Variants in PPP2R1A observed in about 807,000 individuals in gnomAD.
PPP2R1A encodes the protein serine/threonine-protein phosphatase 2A 65 kDa regulatory subunit A alpha isoform.
Under a neutral mutation model 67.1 loss-of-function variants are expected in PPP2R1A, and 15 were observed. That is an observed-to-expected ratio of 0.22 (90% CI 0.15 to 0.34). The LOEUF (loss-of-function observed/expected upper bound fraction) is 0.34. PPP2R1A is among the 10% of genes least tolerant of loss of function. PPP2R1A has a pLI of 1.00. For synonymous variants in PPP2R1A, 337 were observed against 325.0 expected (o/e 1.04, Z -0.40); for missense variants, 369 against 775.0 (o/e 0.48, Z 6.22).
intron 1 of PPP2R1A, among the ~76,000 whole-genome samples, chr19:52,194,840 ATATGG>A (rs1259300444): frequency 6.6e-6 from 1 of 152,148 alleles, no homozygotes; most frequent in African/African-American, 2.4e-5. Context: ...TGCGGTAGTC[ATATGG>A]TGGGGATTGA....
chr19:52,197,206 G>A (rs1006181334), intron 1 of PPP2R1A, among the ~76,000 whole-genome samples: 2 of 152,122 alleles, frequency 1.3e-5, no homozygotes, highest in Non-Finnish European at 2.9e-5. Context: ...GTATATCATA[G>A]GTAGCGTTAG....
At chr19:52,197,246 G>A (rs2089504984) in intron 1 of PPP2R1A, among the ~76,000 whole-genome samples, 1 of 152,150 alleles carries the variant, frequency 6.6e-6, no homozygotes, top group Non-Finnish European at 1.5e-5. Context: ...GTGGAAATCA[G>A]GAGTTGTGTT....
Position 52,213,933 on chromosome 19 carries a change from A to G in PPP2R1A, c.807+823A>G, listed in dbSNP as rs1395625087. Among the ~76,000 whole-genome samples the G allele has an allele frequency of 2.0e-5, 3 of 152,036 alleles. No individual in the cohort carries two copies. The highest frequency in any genetic ancestry group is 4.4e-5 in the Non-Finnish European group (3 of 67,998). ...CAAACATGTTTGCTGAGCACCAGCT[A>G]TTTGCTGGGCCAGTGAATTCGGATC... On this transcript the variant is annotated intron_variant, in intron 6 of 14. Coordinates refer to ENST00000322088, the MANE Select transcript of PPP2R1A (RefSeq NM_014225.6). This position sits in a 1 kb window ranked among gnomAD's most constrained non-coding sequence, Gnocchi z 4.2.
In PPP2R1A at chr19:52,211,682, C is replaced by A; in HGVS notation, c.503+190C>A. 1 of 611,098 alleles carries A rather than the reference C, an allele frequency of 1.6e-6. No individual in the cohort carries two copies. The highest frequency in any genetic ancestry group is 2.0e-5 in the South Asian group (1 of 48,802). The allele number at this position is 611,098 out of a possible 1,614,324, so 37.9% of individuals were successfully genotyped here. ...TGGACACGGCCACGTGTCAGTTTACCCACCTCTGCCCCCTTGCTCACTTAG... is the reference window on the plus strand; with the variant it reads ...TGGACACGGCCACGTGTCAGTTTACACACCTCTGCCCCCTTGCTCACTTAG... On this transcript the variant is annotated intron_variant, in intron 4 of 14. Coordinates refer to ENST00000322088, the MANE Select transcript of PPP2R1A (RefSeq NM_014225.6). The surrounding 1 kb of genome is among the most constrained non-coding windows in gnomAD (Gnocchi z 5.3).
At chr19:52,199,926 G>C (rs1289504493) in intron 1 of PPP2R1A, among the ~76,000 whole-genome samples, 1 of 152,142 alleles carries the variant, frequency 6.6e-6, no homozygotes, top group Non-Finnish European at 1.5e-5. Flanking sequence ...GTGAGTTTTT[G>C]GACTACCTGT....
In PPP2R1A at chr19:52,226,961, G is replaced by A. The variant is rs964974628; in HGVS notation, c.*980G>A. 1 of 152,072 alleles carries A rather than the reference G, an allele frequency of 6.6e-6. No homozygotes were observed. The highest frequency in any genetic ancestry group is 1.5e-5 in the Non-Finnish European group (1 of 68,018). 9.4% of individuals were successfully genotyped at this position (152,072 alleles called of 1,614,324 possible). On this transcript the variant is annotated 3_prime_UTR_variant, in exon 15 of 15. Transcript: ENST00000322088. ...TTTCCTGTGTTCTTGAAGAAGACTT[G>A]GGCTTGGACCCTGTCCCCAGGAGGT...
chr19:52,223,508 A>G (rs1165025645), intron 13 of PPP2R1A, among the ~76,000 whole-genome samples: 1 of 152,176 alleles, frequency 6.6e-6, no homozygotes, highest in African/African-American at 2.4e-5. Flanking sequence ...CTCATCCACA[A>G]TACCTGTCTA....
intron 1 of PPP2R1A, among the ~76,000 whole-genome samples, chr19:52,196,877 G>A (rs1443672741): frequency 6.6e-6 from 1 of 152,184 alleles, no homozygotes; most frequent in African/African-American, 2.4e-5. Context: ...ACAGGAAGGA[G>A]GGAAGATAAG....
At chr19:52,215,966 G>C in intron 7 of PPP2R1A, 38 bp from the exon 8 acceptor site, 1 of 1,609,898 alleles carries the variant, frequency 6.2e-7, no homozygotes, top group Non-Finnish European at 8.5e-7. Context: ...TAGCACATCA[G>C]GTCTCACTTC....
chr19:52,213,457 GT>G lies in PPP2R1A; in HGVS notation c.807+377del, dbSNP rs398035011. On this transcript the variant is annotated intron_variant, in intron 6 of 14. Transcript: ENST00000322088. The surrounding 1 kb of genome is among the most constrained non-coding windows in gnomAD (Gnocchi z 4.2). ...GCCCAAAAAGGTGGGGTTTTTTGGT[GT>G]TTTTTTTTTTTTTTTTTTTTTTTTT... Among the ~76,000 whole-genome samples the G allele has an allele frequency of 2.0e-3, 145 of 71,756 alleles. 1 individual carries two copies. Among genetic ancestry groups the G allele is most frequent in the East Asian group, 6.7e-3 (16 of 2,386 alleles). The allele number at this position is 71,756 out of a possible 152,430, so 47.1% of individuals were successfully genotyped here.
At chr19:52,207,881 G>A (rs990356092) in intron 3 of PPP2R1A, among the ~76,000 whole-genome samples, 5 of 152,140 alleles carry the variant, frequency 3.3e-5, no homozygotes, top group Non-Finnish European at 2.9e-5. Context: ...AGGGAGGCAG[G>A]GGGGTCCTTA....
Position 52,215,124 on chromosome 19 carries a change from C to T in PPP2R1A, c.808-655C>T, listed in dbSNP as rs183252655. ...AGGCTGGAGTGCAGTGGCACAGTCA[C>T]GGCTCACTGCAGCCTTGACCTCCTG... On this transcript the variant is annotated intron_variant, in intron 6 of 14. Coordinates refer to ENST00000322088, the MANE Select transcript of PPP2R1A (RefSeq NM_014225.6). Among the ~76,000 whole-genome samples the T allele has an allele frequency of 1.9e-4, 29 of 152,318 alleles. No individual in the cohort carries two copies. The East Asian group carries it at 5.6e-3, about 29-fold the overall frequency.
chr19:52,190,580 G>A (rs979651609), intron 1 of PPP2R1A, among the ~76,000 whole-genome samples: 1 of 152,228 alleles, frequency 6.6e-6, no homozygotes. Context: ...GGGTGGGTCG[G>A]GACCTGGGAA....
rs180672826 is a variant in PPP2R1A at position 52,219,989 on chromosome 19, G to T, written c.1302+125G>T. On this transcript the variant is annotated intron_variant, in intron 10 of 14. Transcript: ENST00000322088. The surrounding 1 kb of genome is among the most constrained non-coding windows in gnomAD (Gnocchi z 4.0). The stretch of plus-strand genomic sequence containing the variant: ...GGCTGTGACAACTGCCTGGGGAGTC[G>T]AAGGAAGGGACCCAGGAAATAGGGC... 53 of 1,315,132 alleles carry T rather than the reference G, an allele frequency of 4.0e-5. 1 individual carries two copies. The East Asian group carries it at 7.7e-4, about 19-fold the overall frequency. The allele number at this position is 1,315,132 out of a possible 1,614,324, so 81.5% of individuals were successfully genotyped here.
At chr19:52,190,232 G>T (rs1283645863) in intron 1 of PPP2R1A, 58 bp downstream of exon 1, 1 of 1,522,594 alleles carries the variant, frequency 6.6e-7, no homozygotes, top group Non-Finnish European at 8.9e-7. Flanking sequence ...GGGCACGGGC[G>T]GCCCTCGCGG....
At chr19:52,203,987 A>C (rs985156714) in intron 2 of PPP2R1A, among the ~76,000 whole-genome samples, 1 of 152,166 alleles carries the variant, frequency 6.6e-6, no homozygotes, top group Admixed American at 6.5e-5. Flanking sequence ...CCCTGAGCCC[A>C]CCACCCTCAA....
Position 52,219,869 on chromosome 19 carries a change from G to A in PPP2R1A, c.1302+5G>A. The stretch of plus-strand genomic sequence containing the variant: ...CCCCTCCTGGCTGGACAGCTGGTGA[G>A]TGAGGAGGCCTGGGGGCCAGGCAGT... On this transcript the variant is annotated splice_donor_5th_base_variant and intron_variant, in intron 10 of 14. Coordinates refer to ENST00000322088, the MANE Select transcript of PPP2R1A (RefSeq NM_014225.6). This position sits in a 1 kb window ranked among gnomAD's most constrained non-coding sequence, Gnocchi z 4.0. 1.2e-6 allele frequency: 2 copies of A among 1,608,262 alleles called. No individual in the cohort carries two copies. Among genetic ancestry groups the A allele is most frequent in the South Asian group, 1.1e-5 (1 of 90,622 alleles).
chr19:52,216,938 C>G lies in PPP2R1A; in HGVS notation c.1128+275C>G, dbSNP rs1220651079. On this transcript the variant is annotated intron_variant, in intron 9 of 14. Transcript: ENST00000322088. The surrounding 1 kb of genome is among the most constrained non-coding windows in gnomAD (Gnocchi z 4.3). ...GGCGCGGTGGCTCACGCCTGTAATCCCAGCACTTTGGGAGGCTGAGGCGGG... is the reference window on the plus strand; with the variant it reads ...GGCGCGGTGGCTCACGCCTGTAATCGCAGCACTTTGGGAGGCTGAGGCGGG... 6.6e-6 allele frequency among the ~76,000 whole-genome samples: 1 copy of G among 152,084 alleles called. No individual in the cohort carries two copies. Among genetic ancestry groups the G allele is most frequent in the Non-Finnish European group, 1.5e-5 (1 of 68,012 alleles).
At position 52,211,346 on chromosome 19, in the gene PPP2R1A, C is replaced by T; in HGVS notation, c.357C>T (p.His119=). Residue 119 remains histidine (H), a synonymous_variant, in exon 4 of 15, where the codon CAC becomes CAT. Coordinates refer to ENST00000322088, the MANE Select transcript of PPP2R1A (RefSeq NM_014225.6). The surrounding 1 kb of genome is among the most constrained non-coding windows in gnomAD (Gnocchi z 5.3). ...VESLRAISHE[H]SPSDLEAHFV... ...CCTTACGGGCCATCTCACACGAGCACTCGCCCTCTGACCTGGAGGCGCACT... is the reference window on the plus strand; with the variant it reads ...CCTTACGGGCCATCTCACACGAGCATTCGCCCTCTGACCTGGAGGCGCACT... The T allele has an allele frequency of 6.2e-7, 1 of 1,614,118 alleles. No homozygotes were observed. The highest frequency in any genetic ancestry group is 8.5e-7 in the Non-Finnish European group (1 of 1,179,966).
Sources: allele counts gnomAD v4.1 joint callset (sites outside exome capture counted in the v4.1 genomes callset), GRCh38; gene constraint gnomAD v4.1.1; non-coding constraint Gnocchi (gnomAD v3.1); transcripts MANE v1.5; gene names NCBI Gene and HGNC (gene_info 2026-07-23, HGNC 2026-07-21).